The following TRPM3 variants were observed in gnomAD, a reference collection of about 807,000 sequenced individuals.
TRPM3 encodes transient receptor potential cation channel subfamily M member 3.
Under a neutral mutation model 181.2 loss-of-function variants are expected in TRPM3, and 77 were observed. The observed-to-expected ratio is 0.42, with a 90% CI of 0.35 to 0.51. TRPM3 has a LOEUF of 0.51. Ranked by LOEUF, TRPM3 falls within the 20% of genes least tolerant of loss-of-function variation. The pLI is 0.01. For missense variants in TRPM3, 1,759 were observed against 2,196.7 expected (o/e 0.80, Z 3.98); for synonymous variants, 745 against 796.4 (o/e 0.94, Z 1.09).
chr9:71,116,990 A>G (rs2072538540), intron 1 of TRPM3, among the ~76,000 whole-genome samples: 1 of 152,144 alleles, frequency 6.6e-6, no homozygotes, highest in African/African-American at 2.4e-5. Flanking sequence ...GGGAAAGAGG[A>G]ACTTCCTTCT....
chr9:70,884,839 T>A (rs2096061006), intron 1 of TRPM3, among the ~76,000 whole-genome samples: 1 of 152,132 alleles, frequency 6.6e-6, no homozygotes, highest in South Asian at 2.1e-4. Flanking sequence ...CTGCTAAAAA[T>A]CATCCCAGGA....
At chr9:70,833,880 T>G (rs1214883318) in intron 5 of TRPM3, among the ~76,000 whole-genome samples, 1 of 152,098 alleles carries the variant, frequency 6.6e-6, no homozygotes, top group Non-Finnish European at 1.5e-5. Flanking sequence ...GGGGGGATTC[T>G]CTTAGGATCA....
At chr9:71,090,489 C>T (rs1359738680) in intron 1 of TRPM3, among the ~76,000 whole-genome samples, 3 of 152,190 alleles carry the variant, frequency 2.0e-5, no homozygotes, top group South Asian at 4.1e-4. Context: ...CCACCACCAA[C>T]CTGGTCACCC....
At chr9:70,629,423 C>T (rs2133366254) in intron 12 of TRPM3, among the ~76,000 whole-genome samples, 1 of 152,152 alleles carries the variant, frequency 6.6e-6, no homozygotes, top group East Asian at 1.9e-4. Flanking sequence ...GCAACCTCCG[C>T]CTCCCGGGTT....
At chr9:71,388,288 T>C (rs187365196) in intron 1 of TRPM3, among the ~76,000 whole-genome samples, 2 of 152,288 alleles carry the variant, frequency 1.3e-5, no homozygotes, top group East Asian at 3.9e-4. Flanking sequence ...GCTGTTTTTT[T>C]CAAGAAAAGT....
intron 1 of TRPM3, among the ~76,000 whole-genome samples, chr9:71,094,423 T>C (rs550789451): frequency 6.6e-6 from 1 of 152,204 alleles, no homozygotes; most frequent in Non-Finnish European, 1.5e-5. Context: ...AAAATTTGAA[T>C]CGTCTTCTAG....
At chr9:71,218,286 C>T (rs934862821) in intron 1 of TRPM3, among the ~76,000 whole-genome samples, 1 of 152,170 alleles carries the variant, frequency 6.6e-6, no homozygotes, top group African/African-American at 2.4e-5. Context: ...TGACAACGCA[C>T]TCTCATGTAG....
At chr9:71,221,302 C>T (rs1328015529) in intron 1 of TRPM3, among the ~76,000 whole-genome samples, 2 of 152,190 alleles carry the variant, frequency 1.3e-5, no homozygotes. Flanking sequence ...TTTGCCGACC[C>T]TCATCCTACA....
At chr9:70,665,542 G>C (rs1273065633) in intron 9 of TRPM3, among the ~76,000 whole-genome samples, 1 of 152,170 alleles carries the variant, frequency 6.6e-6, no homozygotes. Context: ...TGTGCCCTCT[G>C]CCATAAAGTC....
chr9:70,616,100 T>C, intron 17 of TRPM3, 25 bp from the exon 18 acceptor site: 2 of 1,497,978 alleles, frequency 1.3e-6, no homozygotes, highest in Non-Finnish European at 1.8e-6. Flanking sequence ...ATGATAATAA[T>C]AATAATCACA....
At chr9:71,235,060 T>C (rs1487994115) in intron 1 of TRPM3, among the ~76,000 whole-genome samples, 2 of 152,228 alleles carry the variant, frequency 1.3e-5, no homozygotes, top group Non-Finnish European at 2.9e-5. Context: ...CGCCAACCTA[T>C]GCGCCAACCA....
Position 70,627,265 on chromosome 9 carries a change from C to CTTT in TRPM3, c.1633-1751_1633-1749dup, listed in dbSNP as rs1175860330. Among the ~76,000 whole-genome samples the CTTT allele has an allele frequency of 8.4e-3, 672 of 79,588 alleles. 15 individuals are homozygous for CTTT. The highest frequency in any genetic ancestry group is 0.024 in the East Asian group (51 of 2,128). The allele number at this position is 79,588 out of a possible 152,430, so 52.2% of individuals were successfully genotyped here. A position where few individuals can be genotyped will look rare whatever the true frequency, so the allele number is the denominator to read the frequency against. On this transcript the variant is annotated intron_variant, in intron 12 of 25. Coordinates refer to ENST00000677713, the MANE Select transcript of TRPM3 (RefSeq NM_001366145.2). ...TCAGGCATATAAGACTCCATTGCTGCTTTTTTTTTTTTTTTTTTTTTTTTG... is the reference window on the plus strand; with the variant it reads ...TCAGGCATATAAGACTCCATTGCTGCTTTTTTTTTTTTTTTTTTTTTTTTTTTG...
intron 1 of TRPM3, among the ~76,000 whole-genome samples, chr9:70,986,636 T>C (rs2097424630): frequency 6.6e-6 from 1 of 152,172 alleles, no homozygotes; most frequent in South Asian, 2.1e-4. Flanking sequence ...AATTAGTAAG[T>C]GAATTAGCCA....
intron 1 of TRPM3, among the ~76,000 whole-genome samples, chr9:70,936,683 C>A (rs76902959): frequency 0.027 from 4,098 of 152,126 alleles, 187 homozygotes; most frequent in African/African-American, 0.093. Context: ...TCACATAAGC[C>A]GCCTCTGCCT....
intron 19 of TRPM3, among the ~76,000 whole-genome samples, chr9:70,607,533 C>T (rs1449031707): frequency 1.3e-5 from 2 of 152,102 alleles, no homozygotes; most frequent in African/African-American, 4.8e-5. Flanking sequence ...CACACAGGCC[C>T]CACCACCCCC....
chr9:70,834,621 A>G (rs939366244), intron 5 of TRPM3, among the ~76,000 whole-genome samples: 4 of 152,178 alleles, frequency 2.6e-5, no homozygotes, highest in Non-Finnish European at 4.4e-5. Flanking sequence ...CTCTCACGTT[A>G]CTTACTCTGG....
chr9:70,599,778 TA>T (rs2059570530), intron 20 of TRPM3, among the ~76,000 whole-genome samples: 1 of 152,192 alleles, frequency 6.6e-6, no homozygotes. Flanking sequence ...TTACCCTATT[TA>T]TTTTTTTGAA....
At chr9:70,784,615 C>T (rs1383392962) in intron 6 of TRPM3, among the ~76,000 whole-genome samples, 2 of 152,150 alleles carry the variant, frequency 1.3e-5, no homozygotes, top group Non-Finnish European at 2.9e-5. Flanking sequence ...AGACCAGCAA[C>T]CAAGAGCGTG....
At chr9:70,821,385 G>A (rs78768974) in intron 6 of TRPM3, among the ~76,000 whole-genome samples, 8,576 of 152,118 alleles carry the variant, frequency 0.056, 245 homozygotes, top group Middle Eastern at 0.088. Context: ...CTGTAGGGTG[G>A]CTATAATAAC....
Sources: gnomAD v4.1 joint callset for allele counts (sites outside exome capture counted in the v4.1 genomes callset) on GRCh38, gnomAD v4.1.1 for gene constraint, MANE v1.5 for transcripts, NCBI Gene and HGNC (gene_info 2026-07-23, HGNC 2026-07-21) for gene names.